RUFY3: variants seen among roughly 807,000 people sequenced by gnomAD.
RUFY3 encodes protein RUFY3.
A neutral mutation model predicts 84.0 loss-of-function variants in RUFY3; 34 were observed. That is an observed-to-expected ratio of 0.40 (90% CI 0.31 to 0.54). RUFY3 has a LOEUF of 0.54. Among genes scored for constraint, RUFY3 ranks in the 20% least tolerant of loss-of-function variants. The probability of loss-of-function intolerance (pLI) is 0.39; values close to 1 mark genes in which losing one functional copy is unlikely to be tolerated. For synonymous variants in RUFY3, 242 were observed against 252.9 expected, an observed-to-expected ratio of 0.96 and a Z score of 0.41; for missense variants, 507 against 736.8, an observed-to-expected ratio of 0.69 and a Z score of 3.61.
intron 1 of RUFY3, among the ~76,000 whole-genome samples, chr4:70,711,656 A>C (rs1647519758): frequency 1.3e-5 from 2 of 152,228 alleles, no homozygotes; most frequent in African/African-American, 4.8e-5. Flanking sequence ...AACCTCAGAA[A>C]TGTAGCATCT....
chr4:70,790,409 G>T (rs1730615517), intron 12 of RUFY3, among the ~76,000 whole-genome samples: 1 of 152,154 alleles, frequency 6.6e-6, no homozygotes, highest in South Asian at 2.1e-4. Flanking sequence ...AAACTAAACT[G>T]CTGGTCCCTG....
intron 1 of RUFY3, among the ~76,000 whole-genome samples, chr4:70,742,046 T>TCTGTTTGTTGCCCAGGCCCA: frequency 1.3e-5 from 2 of 152,232 alleles, no homozygotes; most frequent in East Asian, 3.8e-4. Flanking sequence ...ATCCCAGGAA[T>TCTGTTTGTTGCCCAGGCCCA]CTAGTGGTTG....
intron 14 of RUFY3, among the ~76,000 whole-genome samples, chr4:70,798,141 GA>G (rs1396158820): frequency 6.6e-6 from 1 of 152,100 alleles, no homozygotes; most frequent in East Asian, 1.9e-4. Context: ...CCGTTGGCAT[GA>G]AGATTGCTTG....
chr4:70,718,562 G>T (rs1172481912), upstream of RUFY3, among the ~76,000 whole-genome samples: 1 of 152,086 alleles, frequency 6.6e-6, no homozygotes, highest in Non-Finnish European at 1.5e-5. Context: ...GGGATCAAAT[G>T]AGAAAATAGT....
intron 1 of RUFY3, among the ~76,000 whole-genome samples, chr4:70,730,736 T>A (rs760024310): frequency 6.7e-6 from 1 of 150,044 alleles, no homozygotes; most frequent in Non-Finnish European, 1.5e-5. Flanking sequence ...AGAGTGAAAC[T>A]CCATCTCAAA....
chr4:70,725,487 C>T (rs752911849), intron 1 of RUFY3, among the ~76,000 whole-genome samples: 8 of 152,106 alleles, frequency 5.3e-5, no homozygotes, highest in Non-Finnish European at 1.0e-4. Context: ...TGCGCCACCA[C>T]ACCCAGCTAA....
At chr4:70,802,023 ATT>A (rs1299775251) in intron 15 of RUFY3, among the ~76,000 whole-genome samples, 3 of 152,236 alleles carry the variant, frequency 2.0e-5, no homozygotes, top group Non-Finnish European at 4.4e-5. Context: ...TTTCACATTT[ATT>A]ATCTCCTTAT....
intron 1 of RUFY3, among the ~76,000 whole-genome samples, chr4:70,729,589 G>A (rs1718881954): frequency 2.0e-5 from 3 of 152,092 alleles, no homozygotes; most frequent in South Asian, 2.1e-4. Context: ...AATATTAACG[G>A]TAACTACTTC....
rs1306305351 is a variant in RUFY3 at position 70,808,153 on chromosome 4, C to A, written c.*1494C>A. Among the ~76,000 whole-genome samples the A allele has an allele frequency of 1.3e-5, 2 of 152,162 alleles. No individual in the cohort carries two copies. The highest frequency in any genetic ancestry group is 2.9e-5 in the Non-Finnish European group (2 of 68,028). ...TGGATTCAACATAGTGCTTGGTGTT[C>A]AGTAAATTCAAGTTTTGCTTTTTTG... On this transcript the variant is annotated 3_prime_UTR_variant, in exon 18 of 18. Coordinates refer to ENST00000381006, the MANE Select transcript of RUFY3 (RefSeq NM_001037442.4).
intron 1 of RUFY3, chr4:70,705,354 C>G: frequency 8.3e-7 from 1 of 1,201,068 alleles, no homozygotes; most frequent in East Asian, 3.2e-5. Flanking sequence ...CTGGGGAGGG[C>G]CGGCCCGGCC....
chr4:70,733,166 G>GAAAGAAAGAA (rs1560464478), intron 1 of RUFY3, among the ~76,000 whole-genome samples: 49 of 133,798 alleles, frequency 3.7e-4, no homozygotes, highest in South Asian at 7.2e-4. Context: ...GAGAGAGAGA[G>GAAAGAAAGAA]AAAGAAAGAA....
chr4:70,743,443 TA>T (rs986259584), intron 1 of RUFY3, among the ~76,000 whole-genome samples: 1 of 152,152 alleles, frequency 6.6e-6, no homozygotes, highest in Non-Finnish European at 1.5e-5. Flanking sequence ...ATAGACTAGA[TA>T]TTAAAGGAAA....
At chr4:70,789,123 A>G (rs1730392690) in intron 11 of RUFY3, 150 bp downstream of exon 11, 3 of 1,395,186 alleles carry the variant, frequency 2.2e-6, no homozygotes, top group Non-Finnish European at 9.4e-7. Flanking sequence ...TACTTTCAGA[A>G]TCAGACAACC....
rs1728320555 is a variant in RUFY3 at position 70,778,365 on chromosome 4, A to G, written c.825-4A>G. On this transcript the variant is annotated splice_polypyrimidine_tract_variant and splice_region_variant and intron_variant, in intron 7 of 17. Transcript: ENST00000381006. ...GTGACTTTTTTTTCTTCTCTATATT[A>G]TAGTGCTACTGTAAACAACCTTCAG... is the stretch of plus-strand genomic sequence containing the variant. 2 of 1,551,776 alleles carry G rather than the reference A, an allele frequency of 1.3e-6. No individual in the cohort carries two copies. The highest frequency in any genetic ancestry group is 8.9e-7 in the Non-Finnish European group (1 of 1,124,706).
In RUFY3 at chr4:70,784,807, A is replaced by G; in HGVS notation, c.999A>G (p.Gln333=). The change falls in exon 10 of 18, where the codon CAA becomes CAG. Residue 333 remains glutamine (Q), a synonymous_variant. Transcript: ENST00000381006. Reference sequence around the variant, plus strand: ...TTTATCTTTTCAAGGGTCCCAAGCAAGACAGAACTGCAGAAGGGCAAGCAC... The same window carrying G: ...TTTATCTTTTCAAGGGTCCCAAGCAGGACAGAACTGCAGAAGGGCAAGCAC... ...ILESNRKGPK[Q]DRTAEGQALS... 6.2e-7 allele frequency: 1 copy of G among 1,603,548 alleles called. No individual in the cohort carries two copies. Among genetic ancestry groups the G allele is most frequent in the South Asian group, 1.1e-5 (1 of 88,942 alleles).
At chr4:70,768,845 G>T (rs569418744) in intron 5 of RUFY3, among the ~76,000 whole-genome samples, 184 bp downstream of exon 5, 1 of 151,986 alleles carries the variant, frequency 6.6e-6, no homozygotes, top group Non-Finnish European at 1.5e-5. Context: ...TCATTTATAC[G>T]TTACGAATGT....
chr4:70,791,099 CAGAAAGAGA>C (rs376153394), intron 12 of RUFY3: 135,600 of 818,298 alleles, frequency 0.17, 12,148 homozygotes, highest in Non-Finnish European at 0.18. Context: ...TTAAAGCAAA[CAGAAAGAGA>C]ATAATGACTT....
chr4:70,736,168 AAG>A (rs1720257897), intron 1 of RUFY3, among the ~76,000 whole-genome samples: 2 of 151,710 alleles, frequency 1.3e-5, no homozygotes, highest in South Asian at 4.2e-4. Context: ...AAAAAAAAAA[AAG>A]AAAAGAAAAG....
At chr4:70,760,974 A>G (rs1246235424) in intron 1 of RUFY3, among the ~76,000 whole-genome samples, 2 of 152,220 alleles carry the variant, frequency 1.3e-5, no homozygotes, top group Admixed American at 1.3e-4. Flanking sequence ...CTTTGAAAGC[A>G]GATATAAATA....
Sources: allele counts gnomAD v4.1 joint callset (sites outside exome capture counted in the v4.1 genomes callset), GRCh38; gene constraint gnomAD v4.1.1; transcripts MANE v1.5; gene names NCBI Gene and HGNC (gene_info 2026-07-23, HGNC 2026-07-21).